Variants in AFF3 observed in about 807,000 individuals in gnomAD.
AFF3 encodes the protein ALF transcription elongation factor 3.
AFF3 carries 32 observed loss-of-function variants against 129.7 expected under a neutral mutation model. The observed-to-expected ratio is 0.25, with a 90% confidence interval of 0.19 to 0.33. AFF3 has a LOEUF of 0.33. Among genes scored for constraint, AFF3 ranks in the 10% least tolerant of loss-of-function variants. The pLI is 1.00. For missense variants in AFF3, 1,373 were observed against 1,592.0 expected (o/e 0.86, Z 2.34); for synonymous variants, 644 against 635.4 (o/e 1.01, Z -0.20).
intron 12 of AFF3, among the ~76,000 whole-genome samples, chr2:99,654,845 T>C (rs766921232): frequency 2.0e-5 from 3 of 152,206 alleles, no homozygotes; most frequent in Non-Finnish European, 4.4e-5. Flanking sequence ...AGCTTGTTGC[T>C]TGGGAACACA....
At position 100,116,005 on chromosome 2, in the gene AFF3, A is replaced by G. The variant is rs574039932; in HGVS notation, c.-144-10422T>C. Reference sequence around the variant, plus strand: ...TAATTTTTTTCAAGTTATTCTTTACATATTTGAAATCATGCTATTATGTGC... The same window carrying G: ...TAATTTTTTTCAAGTTATTCTTTACGTATTTGAAATCATGCTATTATGTGC... On this transcript the variant is annotated intron_variant, in intron 2 of 24. Coordinates refer to ENST00000672756, the MANE Select transcript of AFF3 (RefSeq NM_001386135.1). Among the ~76,000 whole-genome samples the G allele has an allele frequency of 2.6e-5, 4 of 152,144 alleles. No homozygotes were observed. The East Asian group carries it at 7.7e-4, about 29-fold the overall frequency.
chr2:99,684,945 T>C lies in AFF3; in HGVS notation c.1092-12356A>G, dbSNP rs184768977. 9.1e-4 allele frequency among the ~76,000 whole-genome samples: 138 copies of C among 151,732 alleles called. 2 individuals carry two copies. Among genetic ancestry groups the C allele is most frequent in the Non-Finnish European group, 3.2e-4 (22 of 67,838 alleles). On this transcript the variant is annotated intron_variant, in intron 11 of 24. Transcript: ENST00000672756. ...ACCAGGACTTTTTCTTTCTTTCTTT[T>C]TTTTTTTTTTGGAGACTGAGTCTTG...
intron 4 of AFF3, among the ~76,000 whole-genome samples, chr2:100,098,328 C>T (rs961792901): frequency 3.9e-5 from 6 of 152,084 alleles, no homozygotes; most frequent in African/African-American, 1.4e-4. Context: ...ATATTAAAAT[C>T]GTCTTTTATG....
At chr2:99,653,715 TG>T (rs1018987651) in intron 12 of AFF3, among the ~76,000 whole-genome samples, 2 of 152,108 alleles carry the variant, frequency 1.3e-5, no homozygotes, top group Non-Finnish European at 2.9e-5. Context: ...GGTGTGATGC[TG>T]GGAACAAAAG....
chr2:99,685,474 T>C (rs894900833), intron 11 of AFF3, among the ~76,000 whole-genome samples: 2 of 152,118 alleles, frequency 1.3e-5, no homozygotes, highest in African/African-American at 4.8e-5. Flanking sequence ...GAGGGGTGCA[T>C]TTACTGGGTT....
At chr2:99,830,927 G>T (rs1303313763) in intron 8 of AFF3, among the ~76,000 whole-genome samples, 3 of 152,076 alleles carry the variant, frequency 2.0e-5, no homozygotes, top group African/African-American at 7.2e-5. Flanking sequence ...AGTTCAGTGG[G>T]GTGGGTGGCT....
intron 8 of AFF3, among the ~76,000 whole-genome samples, chr2:99,812,372 C>T (rs534432125): frequency 1.3e-5 from 2 of 152,186 alleles, no homozygotes; most frequent in Non-Finnish European, 2.9e-5. Context: ...CTAGCAGAGG[C>T]TGAAAAGTCA....
intron 1 of AFF3, among the ~76,000 whole-genome samples, chr2:100,133,422 A>G (rs1692508760): frequency 6.6e-6 from 1 of 151,826 alleles, no homozygotes; most frequent in African/African-American, 2.4e-5. Flanking sequence ...GTGCAGTCAT[A>G]CTACACATAC....
intron 1 of AFF3, among the ~76,000 whole-genome samples, chr2:100,132,625 A>T (rs1002556630): frequency 6.6e-6 from 1 of 152,228 alleles, no homozygotes; most frequent in African/African-American, 2.4e-5. Context: ...ATAAGGCAGT[A>T]TACATACACT....
intron 4 of AFF3, among the ~76,000 whole-genome samples, chr2:100,091,967 C>T (rs1322055912): frequency 6.7e-6 from 1 of 148,266 alleles, no homozygotes; most frequent in Non-Finnish European, 1.5e-5. Flanking sequence ...CTTTCCCTCC[C>T]ACTACACCGT....
chr2:99,583,939 G>A lies in AFF3; in HGVS notation c.2592-940C>T, dbSNP rs575432577. ...GCTGGTCTTGAACTTCTAATCTCAG[G>A]TGATCCACCTGCCTCGGCCTCCCAA... On this transcript the variant is annotated intron_variant, in intron 16 of 24. Transcript: ENST00000672756. Among the ~76,000 whole-genome samples the A allele has an allele frequency of 7.9e-4, 120 of 151,816 alleles. 1 individual carries two copies. The highest frequency in any genetic ancestry group is 2.8e-3 in the African/African-American group (116 of 41,420).
At chr2:99,654,758 CT>C (rs1189974945) in intron 12 of AFF3, among the ~76,000 whole-genome samples, 2 of 151,970 alleles carry the variant, frequency 1.3e-5, no homozygotes, top group Non-Finnish European at 2.9e-5. Context: ...AAAACATGTT[CT>C]TTTTTTTCTG....
intron 4 of AFF3, among the ~76,000 whole-genome samples, chr2:100,075,961 A>G (rs926891113): frequency 1.3e-5 from 2 of 152,186 alleles, no homozygotes; most frequent in African/African-American, 2.4e-5. Context: ...TTCTCCTTTA[A>G]GACCCTGGCC....
At chr2:99,643,050 A>G (rs1301436378) in intron 13 of AFF3, among the ~76,000 whole-genome samples, 2 of 144,822 alleles carry the variant, frequency 1.4e-5, no homozygotes, top group Non-Finnish European at 3.0e-5. Context: ...TGGCATACTT[A>G]AAAGATTTTT....
chr2:99,771,295 C>T (rs937750377), intron 8 of AFF3, among the ~76,000 whole-genome samples: 46 of 151,926 alleles, frequency 3.0e-4, no homozygotes, highest in African/African-American at 1.1e-3. Context: ...CTAATGGATA[C>T]TGGGCTTAAT....
At chr2:99,770,596 C>T (rs1267797196) in intron 8 of AFF3, among the ~76,000 whole-genome samples, 3 of 152,270 alleles carry the variant, frequency 2.0e-5, no homozygotes, top group African/African-American at 7.2e-5. Flanking sequence ...TGGTGGGTCT[C>T]ACCTGCAGCC....
chr2:99,605,803 C>T (rs985414322), intron 13 of AFF3, among the ~76,000 whole-genome samples: 1 of 152,176 alleles, frequency 6.6e-6, no homozygotes, highest in Non-Finnish European at 1.5e-5. Context: ...CCTCCTCAGC[C>T]TCCCAAGTAG....
intron 11 of AFF3, among the ~76,000 whole-genome samples, chr2:99,720,098 A>C (rs1332944645): frequency 6.6e-6 from 1 of 152,210 alleles, no homozygotes; most frequent in Non-Finnish European, 1.5e-5. Flanking sequence ...GACCGCAGGC[A>C]GTCTTAATTT....
intron 7 of AFF3, among the ~76,000 whole-genome samples, chr2:99,870,854 T>A (rs569117596): frequency 6.6e-6 from 1 of 152,212 alleles, no homozygotes; most frequent in Admixed American, 6.5e-5. Flanking sequence ...TAATATGTCA[T>A]TTAAAATGTG....
Sources: gnomAD v4.1 joint callset for allele counts (sites outside exome capture counted in the v4.1 genomes callset) on GRCh38, gnomAD v4.1.1 for gene constraint, MANE v1.5 for transcripts, NCBI Gene and HGNC (gene_info 2026-07-23, HGNC 2026-07-21) for gene names.